Variants in USP32 observed in about 807,000 individuals in gnomAD.
The protein encoded by USP32 is ubiquitin carboxyl-terminal hydrolase 32.
In USP32, 59 loss-of-function variants were observed where a neutral mutation model predicts 204.8. The ratio of observed to expected loss-of-function variants is 0.29; its 90% CI spans 0.23 to 0.36. The LOEUF is 0.36. Ranked by LOEUF, USP32 falls within the 10% of genes least tolerant of loss-of-function variation. The pLI, the probability that USP32 is intolerant of heterozygous loss-of-function variation, is 1.00. For synonymous variants in USP32, 517 were observed against 678.4 expected, an observed-to-expected ratio of 0.76 and a Z score of 3.70; for missense variants, 1,160 against 1,946.4, an observed-to-expected ratio of 0.60 and a Z score of 7.60.
At chr17:60,385,292 T>TC (rs2089711182) in intron 1 of USP32, among the ~76,000 whole-genome samples, 2 of 152,014 alleles carry the variant, frequency 1.3e-5, no homozygotes, top group Admixed American at 1.3e-4. Context: ...CATCCCTATC[T>TC]CCCTTCGCTG....
At chr17:60,305,760 GAGTA>G (rs2087707712) in intron 2 of USP32, among the ~76,000 whole-genome samples, 1 of 152,142 alleles carries the variant, frequency 6.6e-6, no homozygotes, top group Non-Finnish European at 1.5e-5. Flanking sequence ...TTAATACAAA[GAGTA>G]AAGCAGTGAG....
intron 13 of USP32, among the ~76,000 whole-genome samples, chr17:60,224,159 G>A (rs1221403568): frequency 6.6e-6 from 1 of 152,144 alleles, no homozygotes; most frequent in East Asian, 1.9e-4. Flanking sequence ...GAGCCTCAGT[G>A]GTATTTTAAG....
At chr17:60,226,927 C>T (rs1448374298) in intron 12 of USP32, among the ~76,000 whole-genome samples, 1 of 151,090 alleles carries the variant, frequency 6.6e-6, no homozygotes, top group African/African-American at 2.4e-5. Context: ...TCCTGTAATC[C>T]CAGCTACTCG....
chr17:60,421,986 C>T, intron 1 of USP32: 1 of 973,130 alleles, frequency 1.0e-6, no homozygotes, highest in Non-Finnish European at 1.2e-6. Flanking sequence ...TCTTTATACA[C>T]CCCCAAAACA....
At chr17:60,294,880 AG>A (rs1458932780) in intron 3 of USP32, 79 bp from the exon 4 acceptor site, 1 of 855,174 alleles carries the variant, frequency 1.2e-6, no homozygotes. Context: ...GAAAAGACAA[AG>A]CTACAATAAC....
At chr17:60,251,720 T>C (rs2086172051) in intron 11 of USP32, among the ~76,000 whole-genome samples, 1 of 152,198 alleles carries the variant, frequency 6.6e-6, no homozygotes, top group East Asian at 1.9e-4. Flanking sequence ...TATTTGATCT[T>C]AAGTAATTTA....
At chr17:60,319,379 A>G (rs2088059275) in intron 2 of USP32, among the ~76,000 whole-genome samples, 1 of 152,178 alleles carries the variant, frequency 6.6e-6, no homozygotes, top group African/African-American at 2.4e-5. Flanking sequence ...AGCTAGGCAC[A>G]GTAGCTCTTG....
At position 60,222,540 on chromosome 17, in the gene USP32, A is replaced by T; in HGVS notation, c.1618T>A (p.Leu540Ile). The stretch of plus-strand genomic sequence containing the variant: ...TTTAATCGTCCTCCTTCTAGTGTTA[A>T]TGATGTAGCCTGAGAAAGAATAGAA... ...VTQEPVKATS[L>I]TLEGGRLKRT... The change falls in exon 15 of 34, where the codon TTA becomes ATA. Residue 540 changes from leucine (L) to isoleucine (I), a missense_variant. Leu to Ile is a conservative substitution (Grantham distance 5). Coordinates refer to ENST00000300896, the MANE Select transcript of USP32 (RefSeq NM_032582.4). The T allele has an allele frequency of 6.2e-7, 1 of 1,613,928 alleles. No homozygotes were observed. The highest frequency in any genetic ancestry group is 8.5e-7 in the Non-Finnish European group (1 of 1,179,928).
At chr17:60,353,682 G>A (rs2089004445) in intron 1 of USP32, among the ~76,000 whole-genome samples, 1 of 152,062 alleles carries the variant, frequency 6.6e-6, no homozygotes, top group Non-Finnish European at 1.5e-5. Flanking sequence ...CAGAGGTTGT[G>A]GTGAGCAGAG....
chr17:60,392,262 T>C, upstream of USP32: 1 of 318,022 alleles, frequency 3.1e-6, no homozygotes, highest in Non-Finnish European at 5.9e-6. Context: ...CCGCCGAGGG[T>C]CACGGGACCC....
intron 2 of USP32, among the ~76,000 whole-genome samples, chr17:60,338,900 TTTTC>T (rs753719168): frequency 4.0e-4 from 61 of 152,258 alleles, no homozygotes; most frequent in Non-Finnish European, 4.9e-4. Flanking sequence ...CATAAAAATA[TTTTC>T]TTTGTTTCTT....
intron 1 of USP32, among the ~76,000 whole-genome samples, chr17:60,355,730 G>GGA (rs911188413): frequency 6.6e-6 from 1 of 151,220 alleles, no homozygotes; most frequent in Non-Finnish European, 1.5e-5. Flanking sequence ...CAACTACTCA[G>GGA]GAGACTAAGG....
chr17:60,283,633 C>CA (rs1020426164), intron 5 of USP32, among the ~76,000 whole-genome samples: 11 of 149,190 alleles, frequency 7.4e-5, no homozygotes, highest in Non-Finnish European at 1.5e-4. Flanking sequence ...AAAATACTAT[C>CA]AACCAGGATA....
chr17:60,308,834 A>G (rs1018911845), intron 2 of USP32, among the ~76,000 whole-genome samples: 1 of 152,204 alleles, frequency 6.6e-6, no homozygotes, highest in Non-Finnish European at 1.5e-5. Context: ...AGGCTGAGAC[A>G]GGAGAATTGC....
At chr17:60,188,296 A>G (rs775488235) in intron 29 of USP32, among the ~76,000 whole-genome samples, 6 of 152,232 alleles carry the variant, frequency 3.9e-5, no homozygotes, top group Non-Finnish European at 5.9e-5. Context: ...ATTACTAGGT[A>G]TAATATTCAT....
chr17:60,400,483 G>T (rs1355061128), intron 1 of USP32, among the ~76,000 whole-genome samples: 1 of 152,192 alleles, frequency 6.6e-6, no homozygotes, highest in Non-Finnish European at 1.5e-5. Flanking sequence ...ATTTAAAGAT[G>T]ACTCCAAACT....
intron 1 of USP32, among the ~76,000 whole-genome samples, chr17:60,387,716 CATT>C (rs533188285): frequency 9.9e-5 from 15 of 152,234 alleles, no homozygotes; most frequent in African/African-American, 3.4e-4. Context: ...TTGAAAATAT[CATT>C]AAGTCAAAAA....
At chr17:60,256,260 C>G (rs2086301198) in intron 9 of USP32, among the ~76,000 whole-genome samples, 1 of 151,882 alleles carries the variant, frequency 6.6e-6, no homozygotes, top group Non-Finnish European at 1.5e-5. Context: ...AACAAAAACT[C>G]ATTTTTGTTT....
intron 2 of USP32, among the ~76,000 whole-genome samples, chr17:60,326,471 C>T (rs1457714621): frequency 6.6e-6 from 1 of 152,050 alleles, no homozygotes; most frequent in East Asian, 1.9e-4. Flanking sequence ...CAACCATGCT[C>T]GGCTAATTTT....
Sources: allele counts gnomAD v4.1 joint callset (sites outside exome capture counted in the v4.1 genomes callset), GRCh38; gene constraint gnomAD v4.1.1; transcripts MANE v1.5; gene names NCBI Gene and HGNC (gene_info 2026-07-23, HGNC 2026-07-21).